Variants in DMD observed in about 807,000 individuals in gnomAD.
The protein encoded by DMD is dystrophin.
DMD carries 63 observed loss-of-function variants against 330.1 expected under a neutral mutation model. That is an observed-to-expected ratio of 0.19 (90% CI 0.16 to 0.24). DMD has a LOEUF of 0.24. DMD is among the 10% of genes least tolerant of loss of function. DMD has a pLI of 1.00. For missense variants in DMD, 3,344 were observed against 2,684.1 expected (o/e 1.25, Z -5.43); for synonymous variants, 1,223 against 959.8 (o/e 1.27, Z -5.07).
chrX:31,774,398 T>A (rs766482499), intron 50 of DMD, among the ~76,000 whole-genome samples: 1 of 111,468 alleles, frequency 9.0e-6, no homozygotes, highest in South Asian at 3.7e-4. Flanking sequence ...AATGAAAAGA[T>A]TCAACCTTTT....
chrX:32,367,743 T>C (rs914370076), intron 34 of DMD, among the ~76,000 whole-genome samples: 4 of 112,011 alleles, frequency 3.6e-5, no homozygotes, highest in Admixed American at 2.8e-4. Context: ...AAATAGGAAA[T>C]GTGGACTAAT....
At chrX:32,701,539 T>A (rs766476254) in intron 7 of DMD, among the ~76,000 whole-genome samples, 1 of 111,734 alleles carries the variant, frequency 8.9e-6, no homozygotes, top group Non-Finnish European at 1.9e-5. Flanking sequence ...TTGTTTCTTA[T>A]ATAGTAGATA....
chrX:32,668,429 T>C (rs974011605), intron 9 of DMD, among the ~76,000 whole-genome samples: 1 of 112,020 alleles, frequency 8.9e-6, no homozygotes, highest in Admixed American at 9.5e-5. Flanking sequence ...GAATAGTCTG[T>C]TGCATTATTC....
At chrX:32,334,658 T>C (rs2097696637) in intron 41 of DMD, among the ~76,000 whole-genome samples, 1 of 111,602 alleles carries the variant, frequency 9.0e-6, no homozygotes, top group Non-Finnish European at 1.9e-5. Flanking sequence ...GATACGGTGA[T>C]GTTCTTCCCA....
chrX:32,381,673 G>T (rs1258940089), intron 33 of DMD, among the ~76,000 whole-genome samples: 1 of 111,694 alleles, frequency 9.0e-6, no homozygotes, highest in Non-Finnish European at 1.9e-5. Context: ...AGGAATGAAT[G>T]AAGACTTGCA....
chrX:32,627,843 T>C (rs2058454259), intron 11 of DMD, among the ~76,000 whole-genome samples: 1 of 111,349 alleles, frequency 9.0e-6, no homozygotes, highest in Admixed American at 9.6e-5. Context: ...CTTGAGACAA[T>C]TGTTCTTAGC....
At chrX:31,242,698 ATATGTG>A (rs2048455657) in intron 63 of DMD, among the ~76,000 whole-genome samples, 1 of 66,966 alleles carries the variant, frequency 1.5e-5, no homozygotes, top group African/African-American at 6.3e-5. Context: ...CAACAATAAG[ATATGTG>A]TGTGTGTGTG....
chrX:32,214,389 T>A (rs886225669), intron 44 of DMD, among the ~76,000 whole-genome samples: 1 of 111,472 alleles, frequency 9.0e-6, no homozygotes, highest in African/African-American at 3.3e-5. Context: ...CAGGGCAAAA[T>A]ACCAGAGAGG....
chrX:32,056,928 T>C (rs2096180543), intron 44 of DMD, among the ~76,000 whole-genome samples: 1 of 111,332 alleles, frequency 9.0e-6, no homozygotes, highest in African/African-American at 3.3e-5. Flanking sequence ...ACGAGAGCCA[T>C]ATAGGATTTA....
chrX:32,824,240 A>C (rs935856519), intron 4 of DMD, among the ~76,000 whole-genome samples: 2 of 111,730 alleles, frequency 1.8e-5, no homozygotes, highest in African/African-American at 6.5e-5. Flanking sequence ...ACAATCTGGT[A>C]ATTGGGCTCT....
chrX:31,794,842 A>G (rs1377419792), intron 50 of DMD, among the ~76,000 whole-genome samples: 1 of 111,513 alleles, frequency 9.0e-6, no homozygotes, highest in Non-Finnish European at 1.9e-5. Context: ...TGCGTCAAAG[A>G]TCAAGATAAG....
chrX:31,784,907 T>C (rs1242110746), intron 50 of DMD, among the ~76,000 whole-genome samples: 4 of 112,091 alleles, frequency 3.6e-5, no homozygotes, highest in Admixed American at 1.9e-4. Flanking sequence ...GATTGGGATG[T>C]AATCCCAGTG....
intron 37 of DMD, among the ~76,000 whole-genome samples, chrX:32,354,378 G>A (rs2097791821): frequency 9.0e-6 from 1 of 110,968 alleles, no homozygotes; most frequent in African/African-American, 3.3e-5. Context: ...AAACCAAGAT[G>A]AAAAATTTCA....
chrX:32,699,656 T>C (rs1371238230), intron 7 of DMD, among the ~76,000 whole-genome samples: 2 of 111,720 alleles, frequency 1.8e-5, no homozygotes. Context: ...TATATTAACA[T>C]GTCAATTCAA....
chrX:33,311,085 A>T (rs943078515), intron 1 of DMD, among the ~76,000 whole-genome samples: 5 of 110,525 alleles, frequency 4.5e-5, no homozygotes, highest in African/African-American at 1.6e-4. Context: ...TATCTAACAC[A>T]TATACATATA....
At chrX:31,558,166 T>C (rs2074965608) in intron 55 of DMD, among the ~76,000 whole-genome samples, 1 of 112,194 alleles carries the variant, frequency 8.9e-6, no homozygotes, top group Non-Finnish European at 1.9e-5. Context: ...TGCCAATATA[T>C]GAATAATACA....
At chrX:32,788,679 C>A (rs964763457) in intron 7 of DMD, among the ~76,000 whole-genome samples, 1 of 111,436 alleles carries the variant, frequency 9.0e-6, no homozygotes, top group African/African-American at 3.3e-5. Flanking sequence ...AAAACTAACC[C>A]TGGATAAATG....
intron 7 of DMD, among the ~76,000 whole-genome samples, chrX:32,781,467 C>A (rs2074754321): frequency 8.9e-6 from 1 of 111,780 alleles, no homozygotes; most frequent in Non-Finnish European, 1.9e-5. Context: ...AAACAGAAGA[C>A]ATTGTATCTT....
chrX:31,517,473 T>G (rs1358929465), intron 55 of DMD, among the ~76,000 whole-genome samples: 1 of 111,996 alleles, frequency 8.9e-6, no homozygotes, highest in Admixed American at 9.5e-5. Context: ...GTGTAGCCAA[T>G]GAGAGCTTAG....
Sources: gnomAD v4.1 joint callset for allele counts (sites outside exome capture counted in the v4.1 genomes callset) on GRCh38, gnomAD v4.1.1 for gene constraint, MANE v1.5 for transcripts, NCBI Gene and HGNC (gene_info 2026-07-23, HGNC 2026-07-21) for gene names.